The following MTSS1 variants were observed in gnomAD, a reference collection of about 807,000 sequenced individuals.
MTSS1 encodes protein MTSS 1.
In MTSS1, 18 loss-of-function variants were observed where a neutral mutation model predicts 79.0. The observed-to-expected ratio is 0.23, with a 90% CI of 0.16 to 0.34. The LOEUF (loss-of-function observed/expected upper bound fraction) is 0.34. MTSS1 is among the 10% of genes least tolerant of loss of function. The probability of loss-of-function intolerance (pLI) is 1.00; values close to 1 mark genes in which losing one functional copy is unlikely to be tolerated. For synonymous variants in MTSS1, 341 were observed against 368.6 expected (o/e 0.93, Z 0.86); for missense variants, 815 against 986.2 (o/e 0.83, Z 2.33).
intron 3 of MTSS1, among the ~76,000 whole-genome samples, chr8:124,612,563 C>A (rs1836010867): frequency 7.0e-6 from 1 of 142,628 alleles, no homozygotes. Flanking sequence ...ATTTTAAAGA[C>A]CAAGTTTAAA....
chr8:124,559,063 G>A (rs749512345), intron 10 of MTSS1, among the ~76,000 whole-genome samples: 11 of 152,182 alleles, frequency 7.2e-5, no homozygotes, highest in African/African-American at 1.9e-4. Context: ...GAAAAGAAGC[G>A]TGCGACCCGG....
chr8:124,723,522 GGT>G (rs1833252380), intron 1 of MTSS1, among the ~76,000 whole-genome samples: 1 of 151,922 alleles, frequency 6.6e-6, no homozygotes, highest in Non-Finnish European at 1.5e-5. Flanking sequence ...ATAGGGAGGG[GGT>G]TTTCACAAAG....
At chr8:124,646,518 A>C (rs1195375813) in intron 3 of MTSS1, among the ~76,000 whole-genome samples, 1 of 152,232 alleles carries the variant, frequency 6.6e-6, no homozygotes, top group African/African-American at 2.4e-5. Flanking sequence ...TTATATCCAC[A>C]GTTTCATAAT....
At chr8:124,609,189 T>C (rs1051594812) in intron 3 of MTSS1, among the ~76,000 whole-genome samples, 9 of 152,216 alleles carry the variant, frequency 5.9e-5, no homozygotes, top group African/African-American at 2.2e-4. Context: ...TGTTTGCCAG[T>C]TGCACCACTA....
chr8:124,558,351 G>A (rs188560016), intron 10 of MTSS1, among the ~76,000 whole-genome samples: 12 of 152,122 alleles, frequency 7.9e-5, no homozygotes, highest in Middle Eastern at 3.4e-3. Context: ...ACTAAAAAGC[G>A]GAAAAGCACA....
At chr8:124,647,891 G>T (rs1819281020) in intron 3 of MTSS1, among the ~76,000 whole-genome samples, 1 of 152,202 alleles carries the variant, frequency 6.6e-6, no homozygotes. Flanking sequence ...GTCCCCATGG[G>T]CTGTGTGATC....
At chr8:124,656,130 T>C (rs769236073) in intron 3 of MTSS1, among the ~76,000 whole-genome samples, 2 of 152,210 alleles carry the variant, frequency 1.3e-5, no homozygotes, top group Non-Finnish European at 2.9e-5. Context: ...CTCCTTTATC[T>C]TAAGAGATAG....
chr8:124,651,128 C>A (rs1819880151), intron 3 of MTSS1, among the ~76,000 whole-genome samples: 1 of 152,202 alleles, frequency 6.6e-6, no homozygotes. Flanking sequence ...CACTTTTTGT[C>A]TTCTCGTGTG....
At chr8:124,640,450 C>A (rs1254434186) in intron 3 of MTSS1, among the ~76,000 whole-genome samples, 1 of 152,192 alleles carries the variant, frequency 6.6e-6, no homozygotes, top group Non-Finnish European at 1.5e-5. Flanking sequence ...CCGGCAACAA[C>A]CACACCCCAT....
rs777300669 is a variant in MTSS1, at chr8:124,555,774, G to A, written c.1535C>T (p.Pro512Leu). The change falls in exon 13 of 14, where the codon CCC becomes CTC. Residue 512 changes from proline (P) to leucine (L), a missense_variant. Pro to Leu is a moderately conservative substitution (Grantham distance 98, BLOSUM62 -3). Coordinates refer to ENST00000518547, the MANE Select transcript of MTSS1 (RefSeq NM_014751.6). Reference protein sequence around the residue: ...SSGYSTQTTTPCCSEDTIPSQ... With the variant: ...SSGYSTQTTTLCCSEDTIPSQ... ...AGGGATGGTGTCCTCAGAGCAGCAG[G>A]GGGTGGTTGTCTGGGTGCTGTAGCC... is the stretch of plus-strand genomic sequence containing the variant. The A allele has an allele frequency of 6.2e-7, 1 of 1,613,142 alleles. No individual in the cohort carries two copies. Among genetic ancestry groups the A allele is most frequent in the Non-Finnish European group, 8.5e-7 (1 of 1,179,600 alleles).
At chr8:124,585,220 G>A in intron 5 of MTSS1, 59 bp from the exon 6 acceptor site, 1 of 1,244,124 alleles carries the variant, frequency 8.0e-7, no homozygotes, top group Non-Finnish European at 1.2e-6. Flanking sequence ...AAATATGTTA[G>A]GTAGGAAACA....
In MTSS1 at chr8:124,556,219, A is replaced by G. The variant is rs1296502125; in HGVS notation, c.1404+13T>C. On this transcript the variant is annotated intron_variant, in intron 12 of 13. Coordinates refer to ENST00000518547, the MANE Select transcript of MTSS1 (RefSeq NM_014751.6). ...AGGTGGCCCCAACCAGCTACTGAGA[A>G]CAAGAGCATCACCCTGGTGGCAGCC... is the stretch of plus-strand genomic sequence containing the variant. 6.2e-7 allele frequency: 1 copy of G among 1,614,186 alleles called. No homozygotes were observed. The highest frequency in any genetic ancestry group is 1.1e-5 in the South Asian group (1 of 91,068).
chr8:124,586,917 A>G (rs1207065612), intron 5 of MTSS1, among the ~76,000 whole-genome samples: 1 of 152,224 alleles, frequency 6.6e-6, no homozygotes, highest in African/African-American at 2.4e-5. Flanking sequence ...TTATTGGATG[A>G]GTAGACCTCT....
At chr8:124,602,907 T>C (rs1406521490) in intron 3 of MTSS1, among the ~76,000 whole-genome samples, 1 of 152,216 alleles carries the variant, frequency 6.6e-6, no homozygotes, top group East Asian at 1.9e-4. Context: ...CCTGCCCCCA[T>C]AGAGTGGGCA....
chr8:124,728,093 C>G lies in MTSS1; in HGVS notation c.-138G>C, dbSNP rs1324734115. 1.5e-6 allele frequency: 1 copy of G among 646,658 alleles called. No homozygotes were observed. The highest frequency in any genetic ancestry group is 2.6e-6 in the Non-Finnish European group (1 of 382,258). 40.1% of individuals were successfully genotyped at this position (646,658 alleles called of 1,614,324 possible). A position where few individuals can be genotyped will look rare whatever the true frequency, so the allele number is the denominator to read the frequency against. Reference sequence around the variant, plus strand: ...CTCGCAGCCTCTTCTGCAGCGAGGACGGGGTGCACCAGACCGACTGTTCTC... The same window carrying G: ...CTCGCAGCCTCTTCTGCAGCGAGGAGGGGGTGCACCAGACCGACTGTTCTC... On this transcript the variant is annotated 5_prime_UTR_variant, in exon 1 of 14. Transcript: ENST00000518547. The surrounding 1 kb of genome is among the most constrained non-coding windows in gnomAD (Gnocchi z 6.1).
chr8:124,681,211 A>G (rs1399068091), intron 3 of MTSS1, among the ~76,000 whole-genome samples: 1 of 152,026 alleles, frequency 6.6e-6, no homozygotes, highest in Non-Finnish European at 1.5e-5. Context: ...CATTTAAAAA[A>G]AAAAAAAAAA....
intron 3 of MTSS1, among the ~76,000 whole-genome samples, chr8:124,685,297 A>C (rs1221264624): frequency 6.6e-6 from 1 of 152,246 alleles, no homozygotes; most frequent in Non-Finnish European, 1.5e-5. Flanking sequence ...AAAAATGATT[A>C]GTTTTATGTT....
chr8:124,725,741 T>A (rs1025358778), intron 1 of MTSS1, among the ~76,000 whole-genome samples: 10 of 152,240 alleles, frequency 6.6e-5, no homozygotes, highest in Admixed American at 2.0e-4. Context: ...TGTTCAAATT[T>A]AAAAATTTTT....
At chr8:124,717,124 A>C (rs1832143571) in intron 1 of MTSS1, among the ~76,000 whole-genome samples, 1 of 151,620 alleles carries the variant, frequency 6.6e-6, no homozygotes, top group African/African-American at 2.4e-5. Flanking sequence ...CCCCCTGCCC[A>C]CATCTTCACG....
Sources: gnomAD v4.1 joint callset for allele counts (sites outside exome capture counted in the v4.1 genomes callset) on GRCh38, gnomAD v4.1.1 for gene constraint, Gnocchi (gnomAD v3.1) non-coding constraint, MANE v1.5 for transcripts, NCBI Gene and HGNC (gene_info 2026-07-23, HGNC 2026-07-21) for gene names.